The following SNX8 variants were observed in gnomAD, a reference collection of about 807,000 sequenced individuals.
SNX8 encodes sorting nexin 8.
SNX8 carries 25 observed loss-of-function variants against 51.6 expected under a neutral mutation model. That is an observed-to-expected ratio of 0.48 (90% CI 0.35 to 0.68). The LOEUF (loss-of-function observed/expected upper bound fraction) is 0.68. Ranked by LOEUF, SNX8 falls within the 30% of genes least tolerant of loss-of-function variation. SNX8 has a pLI of 0.00. For synonymous variants in SNX8, 324 were observed against 277.0 expected, an observed-to-expected ratio of 1.17 and a Z score of -1.68; for missense variants, 695 against 624.0, an observed-to-expected ratio of 1.11 and a Z score of -1.21.
intron 1 of SNX8, among the ~76,000 whole-genome samples, chr7:2,290,428 CAGGAGGT>C (rs138560744): frequency 0.039 from 5,990 of 151,684 alleles, 263 homozygotes; most frequent in African/African-American, 0.1. Context: ...CTCTTGAACC[CAGGAGGT>C]AGAAGTTGCA....
At chr7:2,338,296 A>G (rs1778866508) in intron 1 of SNX8, among the ~76,000 whole-genome samples, 1 of 151,996 alleles carries the variant, frequency 6.6e-6, no homozygotes, top group Non-Finnish European at 1.5e-5. Context: ...CTCTGACTCT[A>G]CTAAAAATAC....
chr7:2,277,030 G>A (rs777831640), intron 2 of SNX8, among the ~76,000 whole-genome samples: 4 of 152,354 alleles, frequency 2.6e-5, no homozygotes, highest in South Asian at 4.1e-4. Context: ...TGGCAGTGCC[G>A]TCCGGCCGGG....
At chr7:2,290,238 T>C (rs1796122811) in intron 1 of SNX8, among the ~76,000 whole-genome samples, 1 of 152,066 alleles carries the variant, frequency 6.6e-6, no homozygotes, top group Admixed American at 6.6e-5. Context: ...CAATGGCTCG[T>C]ACCTGTAATC....
upstream of SNX8, among the ~76,000 whole-genome samples, chr7:2,316,571 C>G (rs1359416174): frequency 6.7e-6 from 1 of 149,750 alleles, no homozygotes. Context: ...TCACTGCATC[C>G]TGCATTCATT....
intron 1 of SNX8, among the ~76,000 whole-genome samples, chr7:2,285,090 T>G (rs1260876319): frequency 6.6e-6 from 1 of 151,394 alleles, no homozygotes; most frequent in African/African-American, 2.4e-5. Context: ...CGGACACCTG[T>G]AGTCCCAGCT....
At chr7:2,318,568 C>T (rs1038326240), upstream of SNX8, among the ~76,000 whole-genome samples, 6 of 151,110 alleles carry the variant, frequency 4.0e-5, no homozygotes, top group Non-Finnish European at 7.4e-5. Context: ...TGGTGGCAGG[C>T]GCCTGTAATC....
intron 5 of SNX8, among the ~76,000 whole-genome samples, chr7:2,267,859 G>A (rs1298538298): frequency 8.5e-6 from 1 of 116,964 alleles, no homozygotes; most frequent in Admixed American, 8.4e-5. Flanking sequence ...TCCCATCTAG[G>A]AAGTGAGGAG....
chr7:2,350,075 G>A (rs1456400517), intron 1 of SNX8, among the ~76,000 whole-genome samples: 5 of 152,118 alleles, frequency 3.3e-5, no homozygotes, highest in South Asian at 2.1e-4. Flanking sequence ...GACACTTCCC[G>A]GCTCTGAACC....
rs1473351643 is a variant in SNX8 at position 2,278,282 on chromosome 7, C to G, written c.118G>C (p.Glu40Gln). ...ACCTGCTGCACGATGGCCTGGGGCT[C>G]GATGGCCTGGGGTGTCGGCAGATCT... ...ASDLPTPQAIEPQAIVQQVPA... is the reference protein window; with the variant it reads ...ASDLPTPQAIQPQAIVQQVPA... Residue 40 changes from glutamate (E) to glutamine (Q), a missense_variant, in exon 2 of 11, where the codon GAG becomes CAG. By Grantham distance (29) the Glu-to-Gln change is conservative. Coordinates refer to ENST00000222990, the MANE Select transcript of SNX8 (RefSeq NM_013321.4). 1.3e-6 allele frequency: 2 copies of G among 1,587,630 alleles called. No individual in the cohort carries two copies. Among genetic ancestry groups the G allele is most frequent in the East Asian group, 4.6e-5 (2 of 43,418 alleles).
chr7:2,264,587 C>A, intron 5 of SNX8, 129 bp from the exon 6 acceptor site: 1 of 768,460 alleles, frequency 1.3e-6, no homozygotes, highest in Non-Finnish European at 2.1e-6. Context: ...CCGGGAGCCC[C>A]ACTCCTCCAG....
intron 7 of SNX8, among the ~76,000 whole-genome samples, chr7:2,258,884 G>A (rs575803637): frequency 2.0e-5 from 3 of 152,146 alleles, no homozygotes; most frequent in Non-Finnish European, 2.9e-5. Context: ...AGTGGAACAG[G>A]GGCCCCATCA....
At chr7:2,281,919 C>T (rs1242292960) in intron 1 of SNX8, among the ~76,000 whole-genome samples, 2 of 152,122 alleles carry the variant, frequency 1.3e-5, no homozygotes, top group African/African-American at 2.4e-5. Context: ...GCCCCTCGAA[C>T]GACAGCCCCT....
rs1795113811 is a variant in SNX8, at chr7:2,254,058, T to TA, written c.*997_*998insT. On this transcript the variant is annotated 3_prime_UTR_variant, in exon 11 of 11. Coordinates refer to ENST00000222990, the MANE Select transcript of SNX8 (RefSeq NM_013321.4). ...CCCACAGAGCTCAGGAGAATGGCCT[T>TA]CTTCATCCAGAGCAGGGAAGGGGCC... The TA allele has an allele frequency of 6.6e-6, 1 of 152,332 alleles. No homozygotes were observed. Among genetic ancestry groups the TA allele is most frequent in the Admixed American group, 6.5e-5 (1 of 15,288 alleles). The allele number at this position is 152,332 out of a possible 1,614,324, so 9.4% of individuals were successfully genotyped here. A position where few individuals can be genotyped will look rare whatever the true frequency, so the allele number is the denominator to read the frequency against.
At chr7:2,268,237 C>G (rs1476165160) in intron 5 of SNX8, among the ~76,000 whole-genome samples, 5 of 142,214 alleles carry the variant, frequency 3.5e-5, no homozygotes, top group African/African-American at 1.4e-4. Context: ...GGCGAGACCC[C>G]GTCTGGGAGG....
chr7:2,334,869 G>GAA (rs71023399), intron 1 of SNX8, among the ~76,000 whole-genome samples: 1,046 of 80,024 alleles, frequency 0.013, 101 homozygotes, highest in Middle Eastern at 0.02. Context: ...GCCCATCTCT[G>GAA]AAAAAAAAAA....
At chr7:2,337,558 T>C (rs999097045) in intron 1 of SNX8, among the ~76,000 whole-genome samples, 5 of 152,096 alleles carry the variant, frequency 3.3e-5, no homozygotes, top group African/African-American at 4.8e-5. Flanking sequence ...TGTAAAATAA[T>C]CCATAATAAA....
At chr7:2,255,194 G>C in intron 10 of SNX8, 25 bp from the exon 11 acceptor site, 1 of 1,438,596 alleles carries the variant, frequency 7.0e-7, no homozygotes, top group South Asian at 1.3e-5. Flanking sequence ...AAGAGAACAA[G>C]ATCAGCAGGC....
chr7:2,257,102 C>G (rs1206488245), intron 9 of SNX8, 79 bp from the exon 10 acceptor site: 1 of 1,464,914 alleles, frequency 6.8e-7, no homozygotes, highest in Non-Finnish European at 9.1e-7. Context: ...AGCGTGCTCC[C>G]TGAGCCAGGG....
At chr7:2,266,231 C>A (rs1383727466) in intron 5 of SNX8, among the ~76,000 whole-genome samples, 2 of 152,216 alleles carry the variant, frequency 1.3e-5, no homozygotes, top group East Asian at 3.8e-4. Context: ...GTTACCCAGG[C>A]TGGAGTGCAA....
Sources: gnomAD v4.1 joint callset for allele counts (sites outside exome capture counted in the v4.1 genomes callset) on GRCh38, gnomAD v4.1.1 for gene constraint, MANE v1.5 for transcripts, NCBI Gene and HGNC (gene_info 2026-07-23, HGNC 2026-07-21) for gene names.